Variants in ITPKB observed in about 807,000 individuals in gnomAD.
The protein encoded by ITPKB is inositol-trisphosphate 3-kinase B.
ITPKB carries 13 observed loss-of-function variants against 69.4 expected under a neutral mutation model. The observed-to-expected ratio is 0.19, with a 90% CI of 0.12 to 0.30. The LOEUF (loss-of-function observed/expected upper bound fraction) is 0.30, where lower values mean the gene tolerates loss of function less well. ITPKB is among the 10% of genes least tolerant of loss of function. The pLI is 1.00. For synonymous variants in ITPKB, 584 were observed against 513.7 expected (o/e 1.14, Z -1.85); for missense variants, 1,240 against 1,250.5 (o/e 0.99, Z 0.13).
At chr1:226,679,541 C>G (rs1243852189) in intron 2 of ITPKB, among the ~76,000 whole-genome samples, 1 of 152,230 alleles carries the variant, frequency 6.6e-6, no homozygotes, top group Non-Finnish European at 1.5e-5. Context: ...CTCAAAAAAG[C>G]TGAGTTGTGG....
chr1:226,664,743 G>A (rs1417669625), intron 2 of ITPKB, among the ~76,000 whole-genome samples: 1 of 152,322 alleles, frequency 6.6e-6, no homozygotes, highest in East Asian at 1.9e-4. Context: ...TTGAATCTTC[G>A]GAAAAGGAAG....
chr1:226,634,950 C>T lies in ITPKB; in HGVS notation c.2626-64G>A, dbSNP rs914244527. On this transcript the variant is annotated intron_variant, in intron 7 of 7. Coordinates refer to ENST00000429204, the MANE Select transcript of ITPKB (RefSeq NM_002221.4). This position sits in a 1 kb window ranked among gnomAD's most constrained non-coding sequence, Gnocchi z 6.3. ...GGGCCTCGCCCTCCCCACTGCGGCC[C>T]GGGGCCTGGGTGACCAGGTGGGGAG... The T allele has an allele frequency of 5.5e-5, 74 of 1,354,700 alleles. No homozygotes were observed. Among genetic ancestry groups the T allele is most frequent in the Non-Finnish European group, 7.3e-5 (71 of 975,524 alleles). 83.9% of individuals were successfully genotyped at this position (1,354,700 alleles called of 1,614,324 possible). A position where few individuals can be genotyped will look rare whatever the true frequency, so the allele number is the denominator to read the frequency against.
At chr1:226,691,355 C>T (rs3820642) in intron 2 of ITPKB, among the ~76,000 whole-genome samples, 33,684 of 152,062 alleles carry the variant, frequency 0.22, 3,914 homozygotes, top group Middle Eastern at 0.33. Flanking sequence ...CCAGCCTCAG[C>T]CCATGAGGCT....
chr1:226,679,529 G>C (rs1656026012), intron 2 of ITPKB, among the ~76,000 whole-genome samples: 1 of 152,184 alleles, frequency 6.6e-6, no homozygotes. Flanking sequence ...TCTTGGGATA[G>C]TCTCAAAAAA....
At chr1:226,685,319 C>T (rs777443618) in intron 2 of ITPKB, among the ~76,000 whole-genome samples, 5 of 152,194 alleles carry the variant, frequency 3.3e-5, no homozygotes, top group Admixed American at 6.5e-5. Flanking sequence ...CACGCATGCC[C>T]GCTCTGCCCC....
In ITPKB at chr1:226,737,267, C is replaced by A. The variant is rs1657817406; in HGVS notation, c.192G>T (p.Leu64=). The change falls in exon 2 of 8, where the codon CTG becomes CTT. Residue 64 remains leucine (L), a synonymous_variant. Coordinates refer to ENST00000429204, the MANE Select transcript of ITPKB (RefSeq NM_002221.4). The part of the protein sequence containing the change: ...ASFLFPPAES[L]SPEEPRSPGG... ...CGGGGCTCCGGGGCTCCTCGGGGGA[C>A]AGCGACTCGGCTGGGGGGAAGAGGA... is the stretch of plus-strand genomic sequence containing the variant. 1.3e-6 allele frequency: 2 copies of A among 1,552,854 alleles called. No homozygotes were observed. Among genetic ancestry groups the A allele is most frequent in the Admixed American group, 1.9e-5 (1 of 51,946 alleles).
rs560799234 is a variant in ITPKB at position 226,633,577 on chromosome 1, G to C, written c.*1094C>G. ...CCTACAAGATACCCACACTACATTG[G>C]AGAAGCAGGAATCTAAGCCCTCCAG... On this transcript the variant is annotated 3_prime_UTR_variant, in exon 8 of 8. Transcript: ENST00000429204. The C allele has an allele frequency of 1.3e-5, 2 of 152,288 alleles. No homozygotes were observed. Among genetic ancestry groups the C allele is most frequent in the East Asian group, 3.9e-4 (2 of 5,176 alleles). 9.4% of individuals were successfully genotyped at this position (152,288 alleles called of 1,614,324 possible). A position where few individuals can be genotyped will look rare whatever the true frequency, so the allele number is the denominator to read the frequency against.
chr1:226,647,103 G>T, intron 4 of ITPKB, 64 bp downstream of exon 4: 2 of 1,486,452 alleles, frequency 1.3e-6, no homozygotes, highest in Non-Finnish European at 1.9e-6. Flanking sequence ...TGAGTGCCAC[G>T]CTGTGCACCT....
chr1:226,699,344 G>A (rs369596917), intron 2 of ITPKB, among the ~76,000 whole-genome samples: 4 of 152,334 alleles, frequency 2.6e-5, no homozygotes, highest in Middle Eastern at 3.4e-3. Flanking sequence ...CTGACGACAC[G>A]GTCAGATTCC....
At chr1:226,638,215 T>C (rs1320303374) in intron 6 of ITPKB, among the ~76,000 whole-genome samples, 2 of 152,142 alleles carry the variant, frequency 1.3e-5, no homozygotes, top group East Asian at 1.9e-4. Context: ...ACCCCAGGCA[T>C]AGGAGGCATG....
Position 226,718,995 on chromosome 1 carries a change from G to T in ITPKB, c.1932+16532C>A, listed in dbSNP as rs377319063. 3.9e-5 allele frequency among the ~76,000 whole-genome samples: 6 copies of T among 152,178 alleles called. No individual in the cohort carries two copies. In the East Asian group the frequency reaches 9.6e-4, roughly 24 times the overall value. On this transcript the variant is annotated intron_variant, in intron 2 of 7. Coordinates refer to ENST00000429204, the MANE Select transcript of ITPKB (RefSeq NM_002221.4). ...TCCCCTCCTAAAAAGTGAATCGGGG[G>T]CCGGCACGATGGCTCGTGCCTGTAA... is the stretch of plus-strand genomic sequence containing the variant.
intron 2 of ITPKB, among the ~76,000 whole-genome samples, chr1:226,651,917 A>G (rs1397071392): frequency 6.6e-6 from 1 of 152,196 alleles, no homozygotes; most frequent in Non-Finnish European, 1.5e-5. Flanking sequence ...TTTCTTCACC[A>G]TGAAAATAGG....
rs147171148 is a variant in ITPKB at position 226,644,284 on chromosome 1, A to G, written c.2247-2159T>C. ...AAGGTGAGGCTCAGCCCCTCCCCAC[A>G]CTCCCCTGCCTGCCCGAGACAAAGT... is the stretch of plus-strand genomic sequence containing the variant. On this transcript the variant is annotated intron_variant, in intron 4 of 7. Transcript: ENST00000429204. Among the ~76,000 whole-genome samples the G allele has an allele frequency of 9.1e-3, 1,382 of 152,086 alleles. 25 individuals carry two copies. The highest frequency in any genetic ancestry group is 0.032 in the African/African-American group (1,319 of 41,478).
At chr1:226,701,616 A>C (rs1309368116) in intron 2 of ITPKB, among the ~76,000 whole-genome samples, 2 of 150,956 alleles carry the variant, frequency 1.3e-5, no homozygotes, top group South Asian at 2.1e-4. Flanking sequence ...AAAAAAAAAA[A>C]AAAAAAAAAA....
rs375813229 is a variant in ITPKB at position 226,646,829 on chromosome 1, C to T, written c.2246+338G>A. Among the ~76,000 whole-genome samples, 43 of 152,294 alleles carry T rather than the reference C, an allele frequency of 2.8e-4. No homozygotes were observed. The East Asian group carries it at 7.3e-3, about 26-fold the overall frequency. Reference sequence around the variant, plus strand: ...GCGACCTCCCTACCTGGTGGCTCCCCGCACCCCCAGCGATCCCACCTGAAC... The same window carrying T: ...GCGACCTCCCTACCTGGTGGCTCCCTGCACCCCCAGCGATCCCACCTGAAC... On this transcript the variant is annotated intron_variant, in intron 4 of 7. Transcript: ENST00000429204.
rs145378777 is a variant in ITPKB at position 226,652,668 on chromosome 1, G to A, written c.1933-3897C>T. Among the ~76,000 whole-genome samples the A allele has an allele frequency of 7.2e-3, 1,101 of 152,306 alleles. 8 individuals carry two copies. Among genetic ancestry groups the A allele is most frequent in the Middle Eastern group, 0.037 (11 of 294 alleles). ...TGCCTTGAACGTGGTGTGGCAAAGGGTACCTGGTCCCCTGCCCAGGGCAGA... is the reference window on the plus strand; with the variant it reads ...TGCCTTGAACGTGGTGTGGCAAAGGATACCTGGTCCCCTGCCCAGGGCAGA... On this transcript the variant is annotated intron_variant, in intron 2 of 7. Coordinates refer to ENST00000429204, the MANE Select transcript of ITPKB (RefSeq NM_002221.4).
chr1:226,698,240 C>CATGTG (rs1322384061), intron 2 of ITPKB, among the ~76,000 whole-genome samples: 1 of 152,198 alleles, frequency 6.6e-6, no homozygotes, highest in Non-Finnish European at 1.5e-5. Context: ...AATTTCTGTT[C>CATGTG]ATGTGAAAGA....
chr1:226,649,801 TA>T (rs1669150346), intron 2 of ITPKB, among the ~76,000 whole-genome samples: 3 of 151,156 alleles, frequency 2.0e-5, no homozygotes, highest in South Asian at 4.2e-4. Flanking sequence ...TAAATAAAAT[TA>T]ATAAAATTCT....
At chr1:226,677,621 G>A (rs3768387) in intron 2 of ITPKB, among the ~76,000 whole-genome samples, 28 of 152,312 alleles carry the variant, frequency 1.8e-4, no homozygotes, top group Admixed American at 1.2e-3. Flanking sequence ...TGCTTCTGCC[G>A]GATACCACTG....
Sources: gnomAD v4.1 joint callset for allele counts (sites outside exome capture counted in the v4.1 genomes callset) on GRCh38, gnomAD v4.1.1 for gene constraint, Gnocchi (gnomAD v3.1) non-coding constraint, MANE v1.5 for transcripts, NCBI Gene and HGNC (gene_info 2026-07-23, HGNC 2026-07-21) for gene names.